CNTN5: variants seen among roughly 807,000 people sequenced by gnomAD.
The protein encoded by CNTN5 is contactin-5.
In CNTN5, 77 loss-of-function variants were observed where a neutral mutation model predicts 129.1. The observed-to-expected ratio is 0.60, with a 90% CI of 0.50 to 0.72. The LOEUF (loss-of-function observed/expected upper bound fraction) is 0.72. Among genes scored for constraint, CNTN5 ranks in the 30% least tolerant of loss-of-function variants. The pLI is 0.00. For synonymous variants in CNTN5, 509 were observed against 465.6 expected (o/e 1.09, Z -1.20); for missense variants, 1,478 against 1,328.8 (o/e 1.11, Z -1.75).
intron 13 of CNTN5, among the ~76,000 whole-genome samples, chr11:100,094,742 G>A (rs1944926248): frequency 7.0e-6 from 1 of 143,416 alleles, no homozygotes; most frequent in Non-Finnish European, 1.5e-5. Flanking sequence ...GACAGGGAAA[G>A]AAGAAGGAGG....
At chr11:100,167,467 G>A (rs141147560) in intron 13 of CNTN5, among the ~76,000 whole-genome samples, 1 of 151,898 alleles carries the variant, frequency 6.6e-6, no homozygotes, top group African/African-American at 2.4e-5. Flanking sequence ...CAATCCTCAT[G>A]TTAGACACGA....
At chr11:99,280,857 G>A (rs115366570) in intron 1 of CNTN5, among the ~76,000 whole-genome samples, 1 of 151,466 alleles carries the variant, frequency 6.6e-6, no homozygotes, top group Non-Finnish European at 1.5e-5. Flanking sequence ...ATGTCACCAA[G>A]TTATTAATAA....
chr11:99,707,800 A>T (rs1296534844), intron 3 of CNTN5, among the ~76,000 whole-genome samples: 3 of 151,668 alleles, frequency 2.0e-5, no homozygotes, highest in African/African-American at 4.8e-5. Flanking sequence ...TCTCTCAGCA[A>T]TCATACCTGA....
intron 9 of CNTN5, among the ~76,000 whole-genome samples, chr11:100,049,997 A>G (rs2137732667): frequency 6.6e-6 from 1 of 152,308 alleles, no homozygotes; most frequent in African/African-American, 2.4e-5. Context: ...GAGGATGTGG[A>G]GAAACAGGAA....
chr11:99,867,243 A>T (rs968212776), intron 6 of CNTN5, among the ~76,000 whole-genome samples: 1 of 152,142 alleles, frequency 6.6e-6, no homozygotes, highest in Non-Finnish European at 1.5e-5. Context: ...TTCTTTTCAC[A>T]TAGGAAAGAA....
chr11:99,877,812 A>C (rs770514892), intron 6 of CNTN5, among the ~76,000 whole-genome samples: 1 of 152,190 alleles, frequency 6.6e-6, no homozygotes, highest in African/African-American at 2.4e-5. Context: ...CATATTGCCT[A>C]TTGACTTTGT....
chr11:99,250,579 A>T (rs1424744842), intron 1 of CNTN5, among the ~76,000 whole-genome samples: 1 of 151,720 alleles, frequency 6.6e-6, no homozygotes, highest in Non-Finnish European at 1.5e-5. Flanking sequence ...TTCATGCTGA[A>T]TTTTTTTTCC....
intron 16 of CNTN5, among the ~76,000 whole-genome samples, chr11:100,242,656 G>A (rs1407564431): frequency 6.6e-6 from 1 of 152,176 alleles, no homozygotes; most frequent in African/African-American, 2.4e-5. Context: ...ACAGCACCAA[G>A]GGGGATGGTG....
chr11:99,602,667 G>A (rs1033153657), intron 3 of CNTN5, among the ~76,000 whole-genome samples: 1 of 151,482 alleles, frequency 6.6e-6, no homozygotes, highest in South Asian at 2.1e-4. Context: ...AAAAAAAAAT[G>A]TATCAAAAAT....
chr11:100,316,821 A>G (rs1951581410), intron 21 of CNTN5, among the ~76,000 whole-genome samples: 1 of 152,192 alleles, frequency 6.6e-6, no homozygotes, highest in South Asian at 2.1e-4. Flanking sequence ...TCATTTTAAC[A>G]ATAAGCAACA....
At chr11:99,693,090 G>A (rs1233216669) in intron 3 of CNTN5, among the ~76,000 whole-genome samples, 1 of 152,052 alleles carries the variant, frequency 6.6e-6, no homozygotes, top group Non-Finnish European at 1.5e-5. Flanking sequence ...ACATAAGCAA[G>A]CAGTTGAAAC....
intron 3 of CNTN5, among the ~76,000 whole-genome samples, chr11:99,583,239 G>A (rs1187111274): frequency 6.6e-6 from 1 of 152,198 alleles, no homozygotes; most frequent in African/African-American, 2.4e-5. Context: ...CCCCTAATTG[G>A]GGGTGCCTCC....
chr11:99,752,465 A>AT (rs1342057645), intron 3 of CNTN5, among the ~76,000 whole-genome samples: 1 of 152,226 alleles, frequency 6.6e-6, no homozygotes, highest in African/African-American at 2.4e-5. Flanking sequence ...GACTTAAAAA[A>AT]TGCCATCAAA....
At chr11:99,059,284 C>T (rs548268447) in intron 1 of CNTN5, among the ~76,000 whole-genome samples, 1 of 152,176 alleles carries the variant, frequency 6.6e-6, no homozygotes, top group South Asian at 2.1e-4. Context: ...TCTTGTCCTT[C>T]ATTATCATGG....
At chr11:99,216,547 C>T (rs1860125184) in intron 1 of CNTN5, among the ~76,000 whole-genome samples, 1 of 152,006 alleles carries the variant, frequency 6.6e-6, no homozygotes, top group Admixed American at 6.6e-5. Flanking sequence ...TATGATCTAT[C>T]ATATGCTGGA....
intron 1 of CNTN5, among the ~76,000 whole-genome samples, chr11:99,087,369 G>A (rs76897391): frequency 0.043 from 6,568 of 152,096 alleles, 163 homozygotes; most frequent in Middle Eastern, 0.061. Context: ...ATTTTTATAT[G>A]GTTCTTCCTT....
chr11:99,802,911 C>G (rs923498847), intron 3 of CNTN5, among the ~76,000 whole-genome samples: 8 of 152,158 alleles, frequency 5.3e-5, no homozygotes, highest in Non-Finnish European at 8.8e-5. Context: ...GGTGGCATGG[C>G]TCAGGCTGCC....
At chr11:99,205,213 G>A (rs1405448598) in intron 1 of CNTN5, among the ~76,000 whole-genome samples, 3 of 152,048 alleles carry the variant, frequency 2.0e-5, no homozygotes, top group Non-Finnish European at 4.4e-5. Context: ...AAGAAAAAGT[G>A]TTTTCTTGGT....
chr11:99,878,162 G>A (rs917876444), intron 6 of CNTN5, among the ~76,000 whole-genome samples: 1 of 152,156 alleles, frequency 6.6e-6, no homozygotes, highest in Non-Finnish European at 1.5e-5. Context: ...TTATTTTAGA[G>A]GCAAATGAAG....
Sources: allele counts gnomAD v4.1 joint callset (sites outside exome capture counted in the v4.1 genomes callset), GRCh38; gene constraint gnomAD v4.1.1; transcripts MANE v1.5; gene names NCBI Gene and HGNC (gene_info 2026-07-23, HGNC 2026-07-21).